Variants in CAMKMT observed in about 807,000 individuals in gnomAD.
The protein encoded by CAMKMT is CaM KMT.
Under a neutral mutation model 48.0 loss-of-function variants are expected in CAMKMT, and 53 were observed. The ratio of observed to expected loss-of-function variants is 1.10; its 90% CI spans 0.89 to 1.39. CAMKMT has a LOEUF of 1.39. CAMKMT is among the 40% of genes most tolerant of loss of function. The pLI, the probability that CAMKMT is intolerant of heterozygous loss-of-function variation, is 0.00. For synonymous variants in CAMKMT, 165 were observed against 152.3 expected, an observed-to-expected ratio of 1.08 and a Z score of -0.61; for missense variants, 428 against 402.7, an observed-to-expected ratio of 1.06 and a Z score of -0.54.
chr2:44,482,708 T>C (rs1454982355), intron 3 of CAMKMT, among the ~76,000 whole-genome samples: 1 of 152,126 alleles, frequency 6.6e-6, no homozygotes, highest in Non-Finnish European at 1.5e-5. Context: ...GCCCTTTTTT[T>C]CACAGGCCTG....
chr2:44,601,764 CTTAATA>C, intron 3 of CAMKMT, among the ~76,000 whole-genome samples: 1 of 151,790 alleles, frequency 6.6e-6, no homozygotes, highest in Non-Finnish European at 1.5e-5. Flanking sequence ...AAGATTTAAA[CTTAATA>C]TTAAACATTT....
intron 2 of CAMKMT, among the ~76,000 whole-genome samples, chr2:44,380,614 C>T: frequency 6.6e-6 from 1 of 152,284 alleles, no homozygotes; most frequent in South Asian, 2.1e-4. Flanking sequence ...AGTAACCAAA[C>T]TGAATCTTTG....
intron 1 of CAMKMT, among the ~76,000 whole-genome samples, chr2:44,370,765 GTTTTGAAATGTA>G (rs1405572279): frequency 6.6e-6 from 1 of 152,048 alleles, no homozygotes; most frequent in Non-Finnish European, 1.5e-5. Flanking sequence ...CATGTCATAT[GTTTTGAAATGTA>G]TTTCTATTGT....
intron 8 of CAMKMT, among the ~76,000 whole-genome samples, chr2:44,748,484 C>T (rs1437291438): frequency 1.3e-5 from 2 of 152,098 alleles, no homozygotes; most frequent in African/African-American, 4.8e-5. Context: ...CATGTCCCAA[C>T]CAGCCAGGTT....
At chr2:44,697,159 C>A (rs978547813) in intron 3 of CAMKMT, among the ~76,000 whole-genome samples, 3 of 152,102 alleles carry the variant, frequency 2.0e-5, no homozygotes, top group Admixed American at 1.3e-4. Context: ...AACTGAAGAA[C>A]ATGGAGTTTC....
chr2:44,703,164 G>T (rs1677349672), intron 3 of CAMKMT, among the ~76,000 whole-genome samples: 1 of 151,970 alleles, frequency 6.6e-6, no homozygotes, highest in South Asian at 2.1e-4. Context: ...AATTATAAGG[G>T]TAGTATATGC....
At position 44,618,706 on chromosome 2, in the gene CAMKMT, T is replaced by TA. The variant is rs1672022085; in HGVS notation, c.377-85573dup. Among the ~76,000 whole-genome samples, 1 of 152,220 alleles carries TA rather than the reference T, an allele frequency of 6.6e-6. No individual in the cohort carries two copies. The highest frequency in any genetic ancestry group is 1.5e-5 in the Non-Finnish European group (1 of 68,040). On this transcript the variant is annotated intron_variant, in intron 3 of 10. Transcript: ENST00000378494. This position sits in a 1 kb window ranked among gnomAD's most constrained non-coding sequence, Gnocchi z 4.0. The stretch of plus-strand genomic sequence containing the variant: ...TGTGTTTATGTGTAGTTGTCATGCT[T>TA]AAAATATTCATATGAAGGTTTGAAA...
chr2:44,515,942 C>G (rs1237264914), intron 3 of CAMKMT, among the ~76,000 whole-genome samples: 2 of 152,172 alleles, frequency 1.3e-5, no homozygotes, highest in Non-Finnish European at 2.9e-5. Flanking sequence ...TGAGAAAGAA[C>G]AAGTCTAAAG....
At chr2:44,436,064 C>T (rs200736069) in intron 3 of CAMKMT, among the ~76,000 whole-genome samples, 1 of 8,594 alleles carries the variant, frequency 1.2e-4, no homozygotes, top group African/African-American at 1.2e-3. Context: ...GGAATCAAAC[C>T]AATTCTTTTT....
At chr2:44,376,314 C>T (rs372170086) in intron 2 of CAMKMT, among the ~76,000 whole-genome samples, 1 of 151,462 alleles carries the variant, frequency 6.6e-6, no homozygotes, top group Non-Finnish European at 1.5e-5. Flanking sequence ...CCCAGTTACT[C>T]GGTGGCTAAC....
chr2:44,722,176 CTTTTTTTT>C (rs11323950), intron 7 of CAMKMT, among the ~76,000 whole-genome samples: 49 of 115,466 alleles, frequency 4.2e-4, no homozygotes, highest in East Asian at 1.0e-3. Flanking sequence ...TTTCTTTTTT[CTTTTTTTT>C]TTTTTTTTTC....
intron 3 of CAMKMT, chr2:44,631,660 C>A: frequency 2.4e-6 from 1 of 415,504 alleles, no homozygotes; most frequent in Non-Finnish European, 4.2e-6. Context: ...GCCCATCTGA[C>A]AAGTTTTTCT....
chr2:44,426,468 C>T (rs1684283538), intron 3 of CAMKMT, among the ~76,000 whole-genome samples: 1 of 152,158 alleles, frequency 6.6e-6, no homozygotes, highest in African/African-American at 2.4e-5. Flanking sequence ...ACTCCTAGAC[C>T]TGATAAATGA....
intron 3 of CAMKMT, among the ~76,000 whole-genome samples, chr2:44,416,564 C>T (rs1347023140): frequency 1.4e-5 from 2 of 143,332 alleles, no homozygotes; most frequent in African/African-American, 5.2e-5. Context: ...TTTCACTTAG[C>T]ATGATTTTTT....
At chr2:44,549,540 T>C in intron 3 of CAMKMT, 1 of 694,688 alleles carries the variant, frequency 1.4e-6, no homozygotes. Context: ...ATAATTTTTT[T>C]TCTTTTTTTC....
chr2:44,515,894 C>T (rs79250189), intron 3 of CAMKMT, among the ~76,000 whole-genome samples: 2,139 of 152,220 alleles, frequency 0.014, 62 homozygotes, highest in East Asian at 0.13. Context: ...TGCTGGGATA[C>T]ATCAAATGGG....
At chr2:44,373,542 T>C (rs954466170) in intron 2 of CAMKMT, among the ~76,000 whole-genome samples, 4 of 152,220 alleles carry the variant, frequency 2.6e-5, no homozygotes, top group Non-Finnish European at 4.4e-5. Flanking sequence ...TTTCTGACAG[T>C]ATTTCACATT....
At chr2:44,617,480 C>G (rs1351306488) in intron 3 of CAMKMT, among the ~76,000 whole-genome samples, 3 of 152,188 alleles carry the variant, frequency 2.0e-5, no homozygotes, top group African/African-American at 7.2e-5. Context: ...TAAAAACAGT[C>G]ACAACATCTT....
chr2:44,404,306 A>G (rs949122621), intron 3 of CAMKMT, among the ~76,000 whole-genome samples: 1 of 152,126 alleles, frequency 6.6e-6, no homozygotes, highest in Non-Finnish European at 1.5e-5. Flanking sequence ...TTTCCCCTCC[A>G]GGAACATGTT....
Sources: gnomAD v4.1 joint callset for allele counts (sites outside exome capture counted in the v4.1 genomes callset) on GRCh38, gnomAD v4.1.1 for gene constraint, Gnocchi (gnomAD v3.1) non-coding constraint, MANE v1.5 for transcripts, NCBI Gene and HGNC (gene_info 2026-07-23, HGNC 2026-07-21) for gene names.